Variants in ELAVL2 observed in about 807,000 individuals in gnomAD.
ELAVL2 encodes ELAV-like protein 2.
In ELAVL2, 4 loss-of-function variants were observed where a neutral mutation model predicts 34.6. The observed-to-expected ratio is 0.12, with a 90% CI of 0.06 to 0.26. ELAVL2 has a LOEUF of 0.26. ELAVL2 is among the 10% of genes least tolerant of loss of function. The probability of loss-of-function intolerance (pLI) is 1.00; values close to 1 mark genes in which losing one functional copy is unlikely to be tolerated. For synonymous variants in ELAVL2, 193 were observed against 154.8 expected (o/e 1.25, Z -1.83); for missense variants, 432 against 442.8 (o/e 0.98, Z 0.22).
At chr9:23,788,752 T>G (rs1363841762) in intron 1 of ELAVL2, among the ~76,000 whole-genome samples, 3 of 152,168 alleles carry the variant, frequency 2.0e-5, no homozygotes, top group Non-Finnish European at 4.4e-5. Flanking sequence ...ACACGAGCAG[T>G]GCAATACCTC....
intron 1 of ELAVL2, among the ~76,000 whole-genome samples, chr9:23,781,691 T>C (rs2059087618): frequency 6.6e-6 from 1 of 151,698 alleles, no homozygotes; most frequent in Admixed American, 6.6e-5. Context: ...ATTTTTTAAA[T>C]CTTTTTTTGT....
chr9:23,833,875 G>A, the ELAVL2 span, among the ~76,000 whole-genome samples: 1 of 151,938 alleles, frequency 6.6e-6, no homozygotes, highest in Non-Finnish European at 1.5e-5. Flanking sequence ...TTTGTTTAAT[G>A]ACTGATTATA....
Position 23,690,886 on chromosome 9 carries a change from T to G in ELAVL2, c.*1671A>C, listed in dbSNP as rs2132600300. The stretch of plus-strand genomic sequence containing the variant: ...TTTTTAAAATTTCTTTCATACATGG[T>G]AAAGACTTATTTTATTATTTCCCCA... On this transcript the variant is annotated 3_prime_UTR_variant, in exon 7 of 7. Coordinates refer to ENST00000397312, the MANE Select transcript of ELAVL2 (RefSeq NM_004432.5). 1 of 152,672 alleles carries G rather than the reference T, an allele frequency of 6.5e-6. No homozygotes were observed. Among genetic ancestry groups the G allele is most frequent in the Non-Finnish European group, 1.5e-5 (1 of 67,980 alleles). The allele number at this position is 152,672 out of a possible 1,614,324, so 9.5% of individuals were successfully genotyped here.
intron 2 of ELAVL2, among the ~76,000 whole-genome samples, chr9:23,757,772 T>A (rs182946013): frequency 6.6e-6 from 1 of 152,018 alleles, no homozygotes; most frequent in Non-Finnish European, 1.5e-5. Flanking sequence ...AAATAGAACT[T>A]AGTCTAGAGA....
chr9:23,798,008 T>G (rs991368012), intron 1 of ELAVL2, among the ~76,000 whole-genome samples: 2 of 152,210 alleles, frequency 1.3e-5, no homozygotes, highest in African/African-American at 4.8e-5. Flanking sequence ...AAAAAGTTAT[T>G]TGGCTAGTTC....
chr9:23,706,752 A>C (rs962753624), intron 3 of ELAVL2, among the ~76,000 whole-genome samples: 1 of 152,202 alleles, frequency 6.6e-6, no homozygotes, highest in Non-Finnish European at 1.5e-5. Context: ...AACTTTCCCA[A>C]TTTACACTAA....
the ELAVL2 span, among the ~76,000 whole-genome samples, chr9:23,835,442 T>A: frequency 6.6e-6 from 1 of 152,124 alleles, no homozygotes; most frequent in African/African-American, 2.4e-5. Context: ...ACTTATATTT[T>A]TATAGGCTAT....
At chr9:23,693,544 A>T (rs2033978247) in intron 5 of ELAVL2, 58 bp from the exon 6 acceptor site, 1 of 1,604,144 alleles carries the variant, frequency 6.2e-7, no homozygotes, top group Non-Finnish European at 8.5e-7. Context: ...GATGTTCAAG[A>T]AAGTTGGGCT....
At chr9:23,815,739 T>C (rs1484086458) in intron 1 of ELAVL2, among the ~76,000 whole-genome samples, 1 of 152,146 alleles carries the variant, frequency 6.6e-6, no homozygotes, top group African/African-American at 2.4e-5. Flanking sequence ...GCCTACTATT[T>C]TCCACCTGGC....
chr9:23,752,131 C>T (rs138520583), intron 2 of ELAVL2, among the ~76,000 whole-genome samples: 4 of 152,232 alleles, frequency 2.6e-5, no homozygotes, highest in Admixed American at 1.3e-4. Context: ...GCAACTGTCA[C>T]GTAACTGAAT....
chr9:23,783,606 G>T, intron 1 of ELAVL2: 3 of 600,082 alleles, frequency 5.0e-6, no homozygotes, highest in Non-Finnish European at 6.3e-6. Context: ...ACATTTGAAG[G>T]ACAGACATCT....
intron 3 of ELAVL2, among the ~76,000 whole-genome samples, chr9:23,715,467 C>T (rs1201088070): frequency 6.6e-6 from 1 of 152,194 alleles, no homozygotes; most frequent in Non-Finnish European, 1.5e-5. Context: ...TTCTGAAGTA[C>T]CTCTCAAGCA....
intron 1 of ELAVL2, among the ~76,000 whole-genome samples, chr9:23,806,842 C>T (rs1237653806): frequency 6.6e-6 from 1 of 152,130 alleles, no homozygotes; most frequent in African/African-American, 2.4e-5. Context: ...CTCCTTAACT[C>T]TCATACCTGC....
chr9:23,794,677 T>G (rs577230487), intron 1 of ELAVL2, among the ~76,000 whole-genome samples: 5 of 152,126 alleles, frequency 3.3e-5, no homozygotes, highest in Non-Finnish European at 7.3e-5. Context: ...CTTGTACAAA[T>G]CAATCCTTAA....
intron 1 of ELAVL2, among the ~76,000 whole-genome samples, chr9:23,766,380 T>C (rs1418427212): frequency 6.6e-6 from 1 of 152,162 alleles, no homozygotes; most frequent in African/African-American, 2.4e-5. Flanking sequence ...AGAACCCAAC[T>C]GTAGTTAAGA....
chr9:23,767,964 G>A (rs36103715), intron 1 of ELAVL2, among the ~76,000 whole-genome samples: 3 of 152,016 alleles, frequency 2.0e-5, no homozygotes, highest in East Asian at 3.9e-4. Flanking sequence ...GTGAGGCTGC[G>A]CCTGTTGCTC....
At chr9:23,712,185 G>T (rs996959183) in intron 3 of ELAVL2, among the ~76,000 whole-genome samples, 9 of 152,108 alleles carry the variant, frequency 5.9e-5, no homozygotes, top group African/African-American at 2.2e-4. Flanking sequence ...GCACAGAAAG[G>T]TGAAGCAACT....
intron 1 of ELAVL2, among the ~76,000 whole-genome samples, chr9:23,791,770 A>T (rs2060350373): frequency 6.6e-6 from 1 of 152,194 alleles, no homozygotes; most frequent in South Asian, 2.1e-4. Flanking sequence ...CTTGCCAGAA[A>T]CCAACACTAC....
At chr9:23,730,124 C>T (rs570772876) in intron 3 of ELAVL2, among the ~76,000 whole-genome samples, 8 of 152,186 alleles carry the variant, frequency 5.3e-5, no homozygotes, top group Admixed American at 4.6e-4. Flanking sequence ...CTGGCAATGT[C>T]TGCACTGGGC....
Sources: allele counts gnomAD v4.1 joint callset (sites outside exome capture counted in the v4.1 genomes callset), GRCh38; gene constraint gnomAD v4.1.1; transcripts MANE v1.5; gene names NCBI Gene and HGNC (gene_info 2026-07-23, HGNC 2026-07-21).